Variants in BBOF1 observed in about 807,000 individuals in gnomAD.
The protein encoded by BBOF1 is basal body orientation factor 1.
Under a neutral mutation model 68.0 loss-of-function variants are expected in BBOF1, and 62 were observed. The observed-to-expected ratio is 0.91, with a 90% CI of 0.74 to 1.13. The LOEUF (loss-of-function observed/expected upper bound fraction) is 1.13. BBOF1 is among the 50% of genes most tolerant of loss of function. The probability of loss-of-function intolerance (pLI) is 0.00; values close to 1 mark genes in which losing one functional copy is unlikely to be tolerated. For missense variants in BBOF1, 534 were observed against 600.1 expected, an observed-to-expected ratio of 0.89 and a Z score of 1.15; for synonymous variants, 208 against 198.8, an observed-to-expected ratio of 1.05 and a Z score of -0.39.
chr14:74,021,862 A>T (rs1351580934), intron 1 of BBOF1, among the ~76,000 whole-genome samples: 2 of 151,758 alleles, frequency 1.3e-5, no homozygotes. Context: ...AGCCGAGATC[A>T]CGCCACTGCT....
At chr14:74,028,042 T>C (rs1331670275) in intron 2 of BBOF1, among the ~76,000 whole-genome samples, 1 of 152,146 alleles carries the variant, frequency 6.6e-6, no homozygotes, top group Non-Finnish European at 1.5e-5. Context: ...TTTATAGTGC[T>C]TGTAAAAGGG....
rs370924173 is a variant in BBOF1 at position 74,072,618 on chromosome 14, A to AAAAC, written n.1380-5554_1380-5551dup. ...TGAAGAGCTTTACAGTTGGCTGAAAAAAACAAACAAACAAACAAACAAACA... is the reference window on the plus strand; with the variant it reads ...TGAAGAGCTTTACAGTTGGCTGAAAAAAACAAACAAACAAACAAACAAACAAACA... On this transcript the variant is annotated intron_variant and non_coding_transcript_variant, in intron 9 of 12. Transcript: ENST00000492026. 2.1e-3 allele frequency: 3,296 copies of AAAAC among 1,607,754 alleles called. 39 individuals carry two copies. In the African/African-American group the frequency reaches 0.033, roughly 16 times the overall value.
At position 74,065,109 on chromosome 14, in the gene BBOF1, C is replaced by T; in HGVS notation, c.*410C>T. The T allele has an allele frequency of 6.4e-7, 1 of 1,564,076 alleles. No individual in the cohort carries two copies. The stretch of plus-strand genomic sequence containing the variant: ...GGGGCAATCTTAAACCAATGACTCA[C>T]CATTATTTACTGTTTCCTCTTAGGA... On this transcript the variant is annotated 3_prime_UTR_variant, in exon 12 of 12. Transcript: ENST00000394009.
At chr14:74,043,280 G>T (rs1362167355) in intron 5 of BBOF1, among the ~76,000 whole-genome samples, 2 of 151,856 alleles carry the variant, frequency 1.3e-5, no homozygotes, top group East Asian at 3.9e-4. Flanking sequence ...GCCAGGCGCG[G>T]TGGCTCACGC....
At chr14:74,077,312 C>T (rs1213219094) in intron 9 of BBOF1, among the ~76,000 whole-genome samples, 3 of 152,144 alleles carry the variant, frequency 2.0e-5, no homozygotes, top group Non-Finnish European at 4.4e-5. Flanking sequence ...CAATACTTCC[C>T]GTTTCAGGCT....
chr14:74,065,374 T>C lies in BBOF1; in HGVS notation c.*675T>C. 2 of 1,613,454 alleles carry C rather than the reference T, an allele frequency of 1.2e-6. No individual in the cohort carries two copies. Among genetic ancestry groups the C allele is most frequent in the Non-Finnish European group, 1.7e-6 (2 of 1,179,862 alleles). On this transcript the variant is annotated 3_prime_UTR_variant, in exon 12 of 12. Transcript: ENST00000394009. ...GGTCATATTTGGCTGCCAGGAGTGA[T>C]GCATCCAGAAAAGAAGTCAGCTTTT...
intron 11 of BBOF1, chr14:74,060,510 A>T: frequency 1.3e-6 from 1 of 754,552 alleles, no homozygotes. Flanking sequence ...GGGGGTTAAT[A>T]GTCCTGAGGA....
intron 8 of BBOF1, among the ~76,000 whole-genome samples, chr14:74,053,730 T>G (rs1316309030): frequency 6.6e-6 from 1 of 150,912 alleles, no homozygotes; most frequent in African/African-American, 2.4e-5. Context: ...TTTTTTTTTT[T>G]TGAGAGAGTC....
rs1595034191 is a variant in BBOF1, at chr14:74,033,718, T to C, written c.352-310T>C. On this transcript the variant is annotated intron_variant, in intron 3 of 11. Coordinates refer to ENST00000394009, the MANE Select transcript of BBOF1 (RefSeq NM_025057.3). ...GGTGAAACACCGTCTCTACTAAAAA[T>C]ATAAAAAAATCAGCCAGGCATGGTG... 2.0e-5 allele frequency among the ~76,000 whole-genome samples: 3 copies of C among 151,756 alleles called. 1 individual carries two copies. Among genetic ancestry groups the C allele is most frequent in the Non-Finnish European group, 4.4e-5 (3 of 67,904 alleles).
At chr14:74,073,195 C>A (rs965840195) in intron 9 of BBOF1, among the ~76,000 whole-genome samples, 4 of 152,112 alleles carry the variant, frequency 2.6e-5, no homozygotes, top group African/African-American at 9.7e-5. Context: ...CCTCAACCCC[C>A]AGGGCTTAGG....
At chr14:74,043,776 G>T (rs185247008) in intron 5 of BBOF1, among the ~76,000 whole-genome samples, 2 of 150,404 alleles carry the variant, frequency 1.3e-5, no homozygotes, top group East Asian at 4.2e-4. Flanking sequence ...CAGGTGACCT[G>T]CCCGCTTCGG....
intron 4 of BBOF1, among the ~76,000 whole-genome samples, chr14:74,036,954 C>CTTT (rs200011315): frequency 7.7e-6 from 1 of 129,446 alleles, no homozygotes; most frequent in Non-Finnish European, 1.6e-5. Flanking sequence ...AAAATATTAT[C>CTTT]TTTTTTTTTT....
In BBOF1 at chr14:74,065,176, C is replaced by T. The variant is rs1566828426; in HGVS notation, c.*477C>T. ...AAGAATCTCTTAAAAATTCTGTTCA[C>T]GAACCTGTCCAACATCCACCAAGTG... On this transcript the variant is annotated 3_prime_UTR_variant, in exon 12 of 12. Transcript: ENST00000394009. 5 of 1,614,014 alleles carry T rather than the reference C, an allele frequency of 3.1e-6. No homozygotes were observed. The highest frequency in any genetic ancestry group is 4.5e-5 in the East Asian group (2 of 44,880).
chr14:74,019,603 A>G (rs1368171973), intron 1 of BBOF1, 69 bp downstream of exon 1: 17 of 1,540,074 alleles, frequency 1.1e-5, no homozygotes, highest in Non-Finnish European at 1.5e-5. Context: ...GGGGCTGGCA[A>G]CCTGGCGCCC....
intron 10 of BBOF1, among the ~76,000 whole-genome samples, chr14:74,079,828 C>G (rs1399718989): frequency 6.6e-6 from 1 of 152,112 alleles, no homozygotes; most frequent in African/African-American, 2.4e-5. Flanking sequence ...CTTGGCCTCC[C>G]AAAGTTCTGG....
chr14:74,063,333 C>T (rs537183696), intron 11 of BBOF1, among the ~76,000 whole-genome samples: 1 of 151,568 alleles, frequency 6.6e-6, no homozygotes, highest in East Asian at 2.0e-4. Flanking sequence ...ATTATAGGCA[C>T]CTGCCACCAC....
At chr14:74,074,354 T>A (rs1308735882) in intron 9 of BBOF1, among the ~76,000 whole-genome samples, 1 of 151,408 alleles carries the variant, frequency 6.6e-6, no homozygotes, top group African/African-American at 2.4e-5. Context: ...TGGTGCGATC[T>A]TGGCTCACTG....
At position 74,050,338 on chromosome 14, in the gene BBOF1, A is replaced by G. The variant is rs886833655; in HGVS notation, c.1286+143A>G. On this transcript the variant is annotated intron_variant, in intron 8 of 11. Transcript: ENST00000394009. Reference sequence around the variant, plus strand: ...GTTACTTGAGGACAGGAACTGACTTATTCATCTTTGTAATCTCTAGGCTTA... The same window carrying G: ...GTTACTTGAGGACAGGAACTGACTTGTTCATCTTTGTAATCTCTAGGCTTA... 2.0e-5 allele frequency: 18 copies of G among 922,676 alleles called. No homozygotes were observed. In the East Asian group the frequency reaches 4.8e-4, roughly 25 times the overall value. The allele number at this position is 922,676 out of a possible 1,614,324, so 57.2% of individuals were successfully genotyped here. A position where few individuals can be genotyped will look rare whatever the true frequency, so the allele number is the denominator to read the frequency against.
At chr14:74,074,673 A>G (rs2060592910) in intron 9 of BBOF1, among the ~76,000 whole-genome samples, 2 of 152,128 alleles carry the variant, frequency 1.3e-5, no homozygotes, top group African/African-American at 2.4e-5. Flanking sequence ...TAGATTTTAG[A>G]TGCTGGAAGT....
Sources: allele counts gnomAD v4.1 joint callset (sites outside exome capture counted in the v4.1 genomes callset), GRCh38; gene constraint gnomAD v4.1.1; transcripts MANE v1.5; gene names NCBI Gene and HGNC (gene_info 2026-07-23, HGNC 2026-07-21).